Variants in VWA8 observed in about 807,000 individuals in gnomAD.
The protein encoded by VWA8 is von Willebrand factor A domain-containing protein 8.
A neutral mutation model predicts 241.5 loss-of-function variants in VWA8; 221 were observed. The ratio of observed to expected loss-of-function variants is 0.91; its 90% CI spans 0.82 to 1.02. VWA8 has a LOEUF of 1.02. Among genes scored for constraint, VWA8 ranks in the 50% least tolerant of loss-of-function variants. VWA8 has a pLI of 0.00. For synonymous variants in VWA8, 852 were observed against 827.1 expected (o/e 1.03, Z -0.52); for missense variants, 2,322 against 2,328.7 (o/e 1.00, Z 0.06).
intron 37 of VWA8, among the ~76,000 whole-genome samples, chr13:41,634,306 G>C (rs931520876): frequency 3.9e-5 from 6 of 152,036 alleles, no homozygotes; most frequent in African/African-American, 1.4e-4. Flanking sequence ...ATTTTTTCAT[G>C]TCTGTCTCCC....
At chr13:41,708,689 A>C (rs2045298045) in intron 26 of VWA8, among the ~76,000 whole-genome samples, 1 of 152,216 alleles carries the variant, frequency 6.6e-6, no homozygotes, top group African/African-American at 2.4e-5. Flanking sequence ...GGTCCTGCAG[A>C]GATCACAGAA....
chr13:41,573,486 A>ATATATATATATAT (rs1555303592), intron 43 of VWA8, among the ~76,000 whole-genome samples: 101 of 113,574 alleles, frequency 8.9e-4, no homozygotes, highest in East Asian at 4.5e-3. Flanking sequence ...AAAAAAAAAA[A>ATATATATATATAT]ATATATATAT....
chr13:41,912,007 C>T, intron 3 of VWA8, 31 bp downstream of exon 3: 2 of 1,513,032 alleles, frequency 1.3e-6, no homozygotes, highest in South Asian at 1.4e-5. Flanking sequence ...AAGTTAAGAC[C>T]CTTAGAAATT....
intron 1 of VWA8, among the ~76,000 whole-genome samples, chr13:41,959,493 C>CAAAAA (rs59960898): frequency 8.5e-4 from 65 of 76,460 alleles, no homozygotes; most frequent in Non-Finnish European, 1.4e-3. Context: ...TGAGAAAAAG[C>CAAAAA]AAAAAAAAAA....
At chr13:41,790,331 AAATT>A (rs1444515244) in intron 17 of VWA8, among the ~76,000 whole-genome samples, 3 of 152,270 alleles carry the variant, frequency 2.0e-5, no homozygotes, top group South Asian at 4.1e-4. Context: ...GTGATTTTTA[AAATT>A]AATTACTAAC....
intron 35 of VWA8, among the ~76,000 whole-genome samples, chr13:41,684,555 T>G (rs1186350618): frequency 6.6e-6 from 1 of 152,142 alleles, no homozygotes; most frequent in Non-Finnish European, 1.5e-5. Context: ...TTAGAGAGCA[T>G]GCTAACAATA....
chr13:41,909,758 A>G (rs889404721), intron 3 of VWA8, among the ~76,000 whole-genome samples: 4 of 152,198 alleles, frequency 2.6e-5, no homozygotes, highest in Non-Finnish European at 5.9e-5. Flanking sequence ...CTGATTCACG[A>G]AAGAGGCATG....
At chr13:41,693,295 T>C (rs2045192300) in intron 29 of VWA8, among the ~76,000 whole-genome samples, 1 of 152,014 alleles carries the variant, frequency 6.6e-6, no homozygotes, top group African/African-American at 2.4e-5. Context: ...AGTTGAACCA[T>C]GATTCTGTTT....
chr13:41,702,339 T>G (rs2045255856), intron 27 of VWA8, among the ~76,000 whole-genome samples: 1 of 152,208 alleles, frequency 6.6e-6, no homozygotes, highest in Non-Finnish European at 1.5e-5. Flanking sequence ...GCATTTCTCA[T>G]ACTCTCTTTA....
intron 36 of VWA8, 47 bp downstream of exon 36, chr13:41,675,168 C>T (rs1378637717): frequency 7.1e-7 from 1 of 1,407,368 alleles, no homozygotes; most frequent in Non-Finnish European, 9.9e-7. Context: ...AGAATTTACT[C>T]ATTTTTTATG....
At chr13:41,697,567 A>G (rs1283117150) in intron 29 of VWA8, among the ~76,000 whole-genome samples, 1 of 146,776 alleles carries the variant, frequency 6.8e-6, no homozygotes, top group Non-Finnish European at 1.5e-5. Context: ...AAATTATTCT[A>G]TCTAAGATCA....
At chr13:41,756,177 G>A (rs7990279) in intron 21 of VWA8, among the ~76,000 whole-genome samples, 2 of 151,292 alleles carry the variant, frequency 1.3e-5, no homozygotes, top group East Asian at 3.9e-4. Flanking sequence ...ATAACTTTAC[G>A]CCAATAATTA....
At chr13:41,741,416 A>T (rs1484609950) in intron 21 of VWA8, among the ~76,000 whole-genome samples, 1 of 152,138 alleles carries the variant, frequency 6.6e-6, no homozygotes, top group East Asian at 1.9e-4. Flanking sequence ...GTTATGGCCC[A>T]TTCCTTAAAC....
chr13:41,912,206 G>C, intron 2 of VWA8, 38 bp from the exon 3 acceptor site: 1 of 1,532,586 alleles, frequency 6.5e-7, no homozygotes, highest in Non-Finnish European at 8.8e-7. Flanking sequence ...GCAAATTTAA[G>C]TATTACTTAT....
At chr13:41,640,597 C>T (rs764645285) in intron 37 of VWA8, among the ~76,000 whole-genome samples, 1 of 152,174 alleles carries the variant, frequency 6.6e-6, no homozygotes, top group African/African-American at 2.4e-5. Context: ...CATGTACTTG[C>T]TAGTTAAAAT....
chr13:41,610,728 C>T (rs543440314), intron 39 of VWA8, among the ~76,000 whole-genome samples: 24 of 152,334 alleles, frequency 1.6e-4, no homozygotes, highest in African/African-American at 5.5e-4. Context: ...GTTTCCCAAA[C>T]TACTACCAGG....
chr13:41,936,022 C>T (rs1349892092), intron 2 of VWA8, among the ~76,000 whole-genome samples: 2 of 151,926 alleles, frequency 1.3e-5, no homozygotes, highest in African/African-American at 4.8e-5. Flanking sequence ...TACATTTATC[C>T]TTTTTTAGGT....
intron 2 of VWA8, chr13:41,925,683 C>A: frequency 5.3e-6 from 1 of 189,340 alleles, no homozygotes; most frequent in Non-Finnish European, 1.1e-5. Context: ...TCCCTGAAAG[C>A]CAAGAAGAAA....
At chr13:41,855,376 TA>T (rs1474023622) in intron 12 of VWA8, among the ~76,000 whole-genome samples, 3 of 145,232 alleles carry the variant, frequency 2.1e-5, no homozygotes, top group Non-Finnish European at 3.0e-5. Context: ...TAATATTATA[TA>T]AAATATATTT....
Sources: allele counts gnomAD v4.1 joint callset (sites outside exome capture counted in the v4.1 genomes callset), GRCh38; gene constraint gnomAD v4.1.1; transcripts MANE v1.5; gene names NCBI Gene and HGNC (gene_info 2026-07-23, HGNC 2026-07-21).